The following MPDZ variants were observed in gnomAD, a reference collection of about 807,000 sequenced individuals.
MPDZ encodes the protein multiple PDZ domain crumbs cell polarity complex component.
In MPDZ, 234 loss-of-function variants were observed where a neutral mutation model predicts 239.1. That is an observed-to-expected ratio of 0.98 (90% CI 0.88 to 1.09). The LOEUF (loss-of-function observed/expected upper bound fraction) is 1.09. MPDZ is among the 50% of genes least tolerant of loss of function. The pLI is 0.00. For synonymous variants in MPDZ, 1,048 were observed against 881.3 expected, an observed-to-expected ratio of 1.19 and a Z score of -3.35; for missense variants, 3,175 against 2,510.0, an observed-to-expected ratio of 1.26 and a Z score of -5.66.
chr9:13,157,795 G>C (rs1950004295), intron 24 of MPDZ, among the ~76,000 whole-genome samples: 1 of 151,942 alleles, frequency 6.6e-6, no homozygotes, highest in African/African-American at 2.4e-5. Context: ...CTTTAATTTA[G>C]TCCCTACTAT....
At chr9:13,140,183 C>G in intron 27 of MPDZ, 34 bp from the exon 28 acceptor site, 4 of 1,605,556 alleles carry the variant, frequency 2.5e-6, no homozygotes, top group Non-Finnish European at 3.4e-6. Flanking sequence ...TGGGTTTGTA[C>G]AGTCTAAGGA....
chr9:13,249,761 G>C (rs1967424877), intron 2 of MPDZ, among the ~76,000 whole-genome samples: 1 of 152,150 alleles, frequency 6.6e-6, no homozygotes. Flanking sequence ...TAAAACTAAA[G>C]AGCAGTGGGA....
chr9:13,194,044 C>A (rs1955305911), intron 13 of MPDZ, among the ~76,000 whole-genome samples: 2 of 152,110 alleles, frequency 1.3e-5, no homozygotes, highest in Non-Finnish European at 2.9e-5. Flanking sequence ...CTTCTCACCC[C>A]TGAAAACCCA....
At chr9:13,129,790 T>C (rs1945685599) in intron 32 of MPDZ, among the ~76,000 whole-genome samples, 1 of 152,124 alleles carries the variant, frequency 6.6e-6, no homozygotes. Flanking sequence ...AGGCTGGTCT[T>C]GAATTCCCAC....
At chr9:13,208,797 A>C (rs1218521705) in intron 10 of MPDZ, among the ~76,000 whole-genome samples, 1 of 152,048 alleles carries the variant, frequency 6.6e-6, no homozygotes, top group Non-Finnish European at 1.5e-5. Flanking sequence ...ATCTAGATGA[A>C]AATCTCATAC....
intron 28 of MPDZ, among the ~76,000 whole-genome samples, chr9:13,138,821 C>T (rs909296385): frequency 5.9e-5 from 9 of 152,296 alleles, no homozygotes; most frequent in Middle Eastern, 3.4e-3. Flanking sequence ...CACAGATGAG[C>T]GACCAGCCAA....
chr9:13,115,269 C>A lies in MPDZ; in HGVS notation c.5445G>T (p.Arg1815Ser). 1.2e-6 allele frequency: 2 copies of A among 1,612,664 alleles called. No individual in the cohort carries two copies. The highest frequency in any genetic ancestry group is 1.7e-6 in the Non-Finnish European group (2 of 1,179,832). The change falls in exon 40 of 47, where the codon AGG becomes AGT. Residue 1815 changes from arginine (R) to serine (S), a missense_variant. Coordinates refer to ENST00000319217, the MANE Select transcript of MPDZ (RefSeq NM_001378778.1). ...RIKAGPFHSE[R>S]RPSQSSQVSE... ...CCACCTGGCTGCTTTGAGATGGCCTCCTCTCTGAATGGAATGGACCAGCTT... is the reference window on the plus strand; with the variant it reads ...CCACCTGGCTGCTTTGAGATGGCCTACTCTCTGAATGGAATGGACCAGCTT...
chr9:13,162,263 C>CA (rs71331527), intron 23 of MPDZ, among the ~76,000 whole-genome samples: 191 of 115,196 alleles, frequency 1.7e-3, no homozygotes, highest in Admixed American at 4.0e-3. Context: ...GGCTCTGCCT[C>CA]AAAAAAAAAA....
chr9:13,193,527 T>A (rs1034332336), intron 13 of MPDZ, among the ~76,000 whole-genome samples: 1 of 152,188 alleles, frequency 6.6e-6, no homozygotes. Flanking sequence ...AAGGAAGCAG[T>A]GAGCCGCAAG....
intron 1 of MPDZ, among the ~76,000 whole-genome samples, chr9:13,255,901 CTT>C (rs1349140892): frequency 6.6e-6 from 1 of 152,206 alleles, no homozygotes; most frequent in Admixed American, 6.5e-5. Context: ...GAGAGAGCCT[CTT>C]TAAAGCTTTG....
intron 1 of MPDZ, among the ~76,000 whole-genome samples, chr9:13,259,026 A>T (rs190116204): frequency 6.6e-6 from 1 of 150,798 alleles, no homozygotes; most frequent in East Asian, 2.1e-4. Context: ...CAGAGGCTCA[A>T]TACAGCTCAA....
rs184190180 is a variant in MPDZ at position 13,107,493 on chromosome 9, A to G, written c.6067-382T>C. Among the ~76,000 whole-genome samples, 579 of 152,334 alleles carry G rather than the reference A, an allele frequency of 3.8e-3. 2 individuals carry two copies. Among genetic ancestry groups the G allele is most frequent in the African/African-American group, 0.013 (542 of 41,586 alleles). On this transcript the variant is annotated intron_variant, in intron 46 of 46. Coordinates refer to ENST00000319217, the MANE Select transcript of MPDZ (RefSeq NM_001378778.1). ...TAAATAAGACCTACAGAAAGAAGGT[A>G]AAGGATTAGGTAGGAACAAAAACAG... is the stretch of plus-strand genomic sequence containing the variant.
intron 32 of MPDZ, among the ~76,000 whole-genome samples, chr9:13,128,486 C>T (rs949266335): frequency 2.6e-5 from 4 of 152,298 alleles, no homozygotes; most frequent in Non-Finnish European, 4.4e-5. Flanking sequence ...GGCAATGTGT[C>T]GGCAATTGCA....
intron 23 of MPDZ, among the ~76,000 whole-genome samples, chr9:13,158,346 T>C (rs985342702): frequency 6.6e-6 from 1 of 152,110 alleles, no homozygotes; most frequent in Non-Finnish European, 1.5e-5. Context: ...AAGACTCTTG[T>C]CTAGTCTGTT....
intron 3 of MPDZ, among the ~76,000 whole-genome samples, chr9:13,233,115 T>A (rs1025812395): frequency 2.6e-5 from 4 of 152,140 alleles, no homozygotes; most frequent in Non-Finnish European, 5.9e-5. Flanking sequence ...GAGTTGGACT[T>A]ATAATCGCTT....
intron 38 of MPDZ, 36 bp downstream of exon 38, chr9:13,121,703 C>G: frequency 6.2e-7 from 1 of 1,605,702 alleles, no homozygotes; most frequent in Non-Finnish European, 8.5e-7. Context: ...CCCATCATTT[C>G]CAAGGGAGCA....
At chr9:13,155,986 A>G (rs1436733183) in intron 24 of MPDZ, among the ~76,000 whole-genome samples, 2 of 152,154 alleles carry the variant, frequency 1.3e-5, no homozygotes, top group Non-Finnish European at 2.9e-5. Context: ...AAAGCATAAA[A>G]ATTTTCCAGT....
chr9:13,196,556 A>G (rs1454724119), intron 12 of MPDZ, among the ~76,000 whole-genome samples: 1 of 152,154 alleles, frequency 6.6e-6, no homozygotes, highest in Non-Finnish European at 1.5e-5. Context: ...GTAATGCTAC[A>G]GTAAAAAGGG....
Position 13,108,959 on chromosome 9 carries a change from A to C in MPDZ, c.6043T>G (p.Tyr2015Asp), listed in dbSNP as rs2130997236. The C allele has an allele frequency of 6.2e-7, 1 of 1,610,856 alleles. No individual in the cohort carries two copies. The highest frequency in any genetic ancestry group is 8.5e-7 in the Non-Finnish European group (1 of 1,178,268). ...YGSPHGDLPI[Y>D]VKTVFAKGAA... ...ACCTTTGCAAACACTGTTTTAACAT[A>C]AATGGGTAAGTCTCCATGAGGGCTG... The change falls in exon 46 of 47, where the codon TAT (tyrosine) becomes GAT (aspartate). Residue 2015 changes from tyrosine (Y) to aspartate (D), a missense_variant. Coordinates refer to ENST00000319217, the MANE Select transcript of MPDZ (RefSeq NM_001378778.1).
Sources: allele counts gnomAD v4.1 joint callset (sites outside exome capture counted in the v4.1 genomes callset), GRCh38; gene constraint gnomAD v4.1.1; transcripts MANE v1.5; gene names NCBI Gene and HGNC (gene_info 2026-07-23, HGNC 2026-07-21).